The following TMEM17 variants were observed in gnomAD, a reference collection of about 807,000 sequenced individuals.
TMEM17 encodes the protein transmembrane protein 17.
Under a neutral mutation model 19.1 loss-of-function variants are expected in TMEM17, and 15 were observed. The ratio of observed to expected loss-of-function variants is 0.78; its 90% CI spans 0.52 to 1.21. The LOEUF (loss-of-function observed/expected upper bound fraction) is 1.21, where lower values mean the gene tolerates loss of function less well. Ranked by LOEUF, TMEM17 falls within the 50% of genes most tolerant of loss-of-function variation. TMEM17 has a pLI of 0.00. For missense variants in TMEM17, 245 were observed against 242.3 expected (o/e 1.01, Z -0.07); for synonymous variants, 103 against 86.9 (o/e 1.19, Z -1.03).
the TMEM17 span, among the ~76,000 whole-genome samples, chr2:62,480,846 C>T: frequency 6.6e-5 from 10 of 152,166 alleles, no homozygotes; most frequent in African/African-American, 1.7e-4. Context: ...TATTATGCTT[C>T]CAGCTTTGTT....
downstream of TMEM17, among the ~76,000 whole-genome samples, chr2:62,498,910 C>A: frequency 6.6e-6 from 1 of 152,042 alleles, no homozygotes; most frequent in Non-Finnish European, 1.5e-5. Context: ...GACTGCCTAA[C>A]CCCCAAATGT....
chr2:62,492,829 A>G, the TMEM17 span, among the ~76,000 whole-genome samples: 5 of 152,208 alleles, frequency 3.3e-5, no homozygotes, highest in African/African-American at 1.2e-4. Flanking sequence ...GAGTTTCACC[A>G]CATAGATAAG....
intron 1 of TMEM17, among the ~76,000 whole-genome samples, 192 bp downstream of exon 1, chr2:62,505,838 C>CG (rs1450969893): frequency 2.0e-5 from 3 of 150,814 alleles, no homozygotes; most frequent in African/African-American, 7.3e-5. Flanking sequence ...CAGGCCCGGC[C>CG]GGGGGCGGGA....
At chr2:62,492,372 C>G in the TMEM17 span, among the ~76,000 whole-genome samples, 1 of 152,166 alleles carries the variant, frequency 6.6e-6, no homozygotes, top group Non-Finnish European at 1.5e-5. Flanking sequence ...TTGATAAAGT[C>G]CCAGCACACT....
chr2:62,467,348 A>C, the TMEM17 span, among the ~76,000 whole-genome samples: 1 of 152,194 alleles, frequency 6.6e-6, no homozygotes, highest in Non-Finnish European at 1.5e-5. Flanking sequence ...TTCATTGTGT[A>C]GATAAGCAAA....
the TMEM17 span, among the ~76,000 whole-genome samples, chr2:62,484,137 C>A: frequency 1.3e-5 from 2 of 152,232 alleles, no homozygotes; most frequent in East Asian, 1.9e-4. Flanking sequence ...TTCAAAGTTT[C>A]ATTTCCCAAT....
At chr2:62,505,220 G>T (rs1031617398) in intron 1 of TMEM17, among the ~76,000 whole-genome samples, 2 of 152,164 alleles carry the variant, frequency 1.3e-5, no homozygotes, top group African/African-American at 4.8e-5. Flanking sequence ...AAACCACATG[G>T]GTTTGGTTGA....
the TMEM17 span, among the ~76,000 whole-genome samples, chr2:62,458,027 G>A: frequency 6.6e-6 from 1 of 152,196 alleles, no homozygotes; most frequent in Non-Finnish European, 1.5e-5. Flanking sequence ...AGAAGATGGG[G>A]GAACACTTCG....
intron 3 of TMEM17, 194 bp downstream of exon 3, chr2:62,502,243 T>C: frequency 4.9e-6 from 2 of 406,790 alleles, no homozygotes; most frequent in African/African-American, 2.0e-5. Flanking sequence ...AATATTATTT[T>C]CCTCATTTTA....
chr2:62,484,921 G>A, the TMEM17 span, among the ~76,000 whole-genome samples: 1 of 152,280 alleles, frequency 6.6e-6, no homozygotes, highest in East Asian at 1.9e-4. Context: ...GAGCAGTCAT[G>A]GCTTTCCCAA....
chr2:62,498,631 G>C (rs1238830335), downstream of TMEM17, among the ~76,000 whole-genome samples: 1 of 141,598 alleles, frequency 7.1e-6, no homozygotes, highest in African/African-American at 2.6e-5. Flanking sequence ...CAGGAGAATG[G>C]CGTGAACCCG....
the TMEM17 span, among the ~76,000 whole-genome samples, chr2:62,489,791 A>T: frequency 2.6e-5 from 4 of 152,358 alleles, no homozygotes; most frequent in South Asian, 4.1e-4. Context: ...AAAAATTTTT[A>T]AAAATCAAAA....
chr2:62,486,983 T>C, the TMEM17 span, among the ~76,000 whole-genome samples: 1 of 152,156 alleles, frequency 6.6e-6, no homozygotes, highest in Admixed American at 6.5e-5. Context: ...TGTATTTCAC[T>C]CAGCTCTCAG....
chr2:62,488,963 A>T, the TMEM17 span, among the ~76,000 whole-genome samples: 1 of 152,174 alleles, frequency 6.6e-6, no homozygotes, highest in East Asian at 1.9e-4. Flanking sequence ...GTAGGCTTTT[A>T]AGCCAGGAAT....
At chr2:62,492,686 T>C in the TMEM17 span, among the ~76,000 whole-genome samples, 1 of 152,264 alleles carries the variant, frequency 6.6e-6, no homozygotes, top group Non-Finnish European at 1.5e-5. Context: ...CACTGTCATA[T>C]GCACTGGAGA....
At chr2:62,472,535 T>C in the TMEM17 span, among the ~76,000 whole-genome samples, 1 of 152,192 alleles carries the variant, frequency 6.6e-6, no homozygotes, top group African/African-American at 2.4e-5. Flanking sequence ...GGACAGAGGC[T>C]AGTCTGCTGG....
chr2:62,504,859 C>G (rs1439231887), intron 1 of TMEM17, among the ~76,000 whole-genome samples: 4 of 152,174 alleles, frequency 2.6e-5, no homozygotes, highest in African/African-American at 9.7e-5. Context: ...GAACACAGCC[C>G]TGCCTATTCA....
At chr2:62,479,769 C>T in the TMEM17 span, among the ~76,000 whole-genome samples, 3 of 151,784 alleles carry the variant, frequency 2.0e-5, no homozygotes, top group Non-Finnish European at 4.4e-5. Flanking sequence ...TGCCTATAAT[C>T]CCAGCTACTT....
the TMEM17 span, among the ~76,000 whole-genome samples, chr2:62,490,492 A>G: frequency 2.6e-5 from 4 of 152,054 alleles, no homozygotes; most frequent in African/African-American, 9.7e-5. Flanking sequence ...CTAACTCCTG[A>G]AGTCAGGAGA....
Sources: gnomAD v4.1 joint callset for allele counts (sites outside exome capture counted in the v4.1 genomes callset) on GRCh38, gnomAD v4.1.1 for gene constraint, MANE v1.5 for transcripts, NCBI Gene and HGNC (gene_info 2026-07-23, HGNC 2026-07-21) for gene names.